Variants in BANK1 observed in about 807,000 individuals in gnomAD.
BANK1 encodes the protein B cell scaffold protein with ankyrin repeats 1.
BANK1 carries 95 observed loss-of-function variants against 94.5 expected under a neutral mutation model. The observed-to-expected ratio is 1.00, with a 90% CI of 0.85 to 1.19. The LOEUF is 1.19. Ranked by LOEUF, BANK1 falls within the 50% of genes most tolerant of loss-of-function variation. The probability of loss-of-function intolerance (pLI) is 0.00; values close to 1 mark genes in which losing one functional copy is unlikely to be tolerated. For missense variants in BANK1, 987 were observed against 932.2 expected (o/e 1.06, Z -0.77); for synonymous variants, 334 against 308.4 (o/e 1.08, Z -0.87).
intron 7 of BANK1, among the ~76,000 whole-genome samples, chr4:101,958,306 T>C (rs1288556016): frequency 6.6e-6 from 1 of 152,132 alleles, no homozygotes; most frequent in African/African-American, 2.4e-5. Context: ...TTTTTTAAAT[T>C]GAGACTCAAA....
At chr4:102,054,199 A>G (rs556540760) in intron 11 of BANK1, among the ~76,000 whole-genome samples, 1 of 152,242 alleles carries the variant, frequency 6.6e-6, no homozygotes, top group East Asian at 1.9e-4. Context: ...CCAAGGACAC[A>G]GAGCTAAGAA....
At chr4:101,870,468 T>A in intron 4 of BANK1, 37 bp from the exon 5 acceptor site, 1 of 1,579,310 alleles carries the variant, frequency 6.3e-7, no homozygotes. Context: ...ATATGCATTA[T>A]ATACTCTGCC....
intron 4 of BANK1, among the ~76,000 whole-genome samples, chr4:101,864,989 T>C (rs1384697302): frequency 6.6e-6 from 1 of 152,098 alleles, no homozygotes; most frequent in African/African-American, 2.4e-5. Flanking sequence ...GGAGCTCTAG[T>C]TTCTATGACC....
intron 1 of BANK1, among the ~76,000 whole-genome samples, chr4:101,826,990 C>T (rs1412789606): frequency 6.6e-6 from 1 of 151,842 alleles, no homozygotes; most frequent in Non-Finnish European, 1.5e-5. Flanking sequence ...GTAGAAAATA[C>T]ATGCTCTGTT....
At chr4:101,882,290 A>G (rs907107506) in intron 5 of BANK1, among the ~76,000 whole-genome samples, 5 of 152,196 alleles carry the variant, frequency 3.3e-5, no homozygotes, top group Non-Finnish European at 7.4e-5. Context: ...CTCTTAAAAT[A>G]CTTTGTTTTT....
chr4:101,812,431 A>G lies in BANK1; in HGVS notation c.71-17377A>G, dbSNP rs1056770364. Among the ~76,000 whole-genome samples the G allele has an allele frequency of 6.6e-5, 10 of 152,096 alleles. No individual in the cohort carries two copies. The South Asian group carries it at 1.2e-3, about 19-fold the overall frequency. On this transcript the variant is annotated intron_variant, in intron 1 of 16. Coordinates refer to ENST00000322953, the MANE Select transcript of BANK1 (RefSeq NM_017935.5). ...GGAAACATTTAATATTTGGATTGCT[A>G]TTTCTCTACACTATATTTAAAGGTA...
chr4:101,828,306 C>T (rs1488594611), intron 1 of BANK1, among the ~76,000 whole-genome samples: 1 of 151,188 alleles, frequency 6.6e-6, no homozygotes, highest in Non-Finnish European at 1.5e-5. Context: ...GTCTTTCCCT[C>T]CCCAAGTCAT....
intron 6 of BANK1, among the ~76,000 whole-genome samples, chr4:101,913,339 TC>T (rs1722727924): frequency 6.6e-6 from 1 of 152,168 alleles, no homozygotes; most frequent in African/African-American, 2.4e-5. Context: ...ACTGTCCAGC[TC>T]TTTTTATTGC....
intron 7 of BANK1, among the ~76,000 whole-genome samples, chr4:102,013,232 C>CGAA (rs1726570226): frequency 6.6e-6 from 1 of 151,998 alleles, no homozygotes; most frequent in Non-Finnish European, 1.5e-5. Flanking sequence ...ATCAATTATT[C>CGAA]GCTATTCTCT....
At chr4:101,930,116 T>C (rs1723292518) in intron 7 of BANK1, among the ~76,000 whole-genome samples, 1 of 151,350 alleles carries the variant, frequency 6.6e-6, no homozygotes, top group African/African-American at 2.4e-5. Context: ...AGTAATTATA[T>C]GTATGTGGAT....
intron 7 of BANK1, among the ~76,000 whole-genome samples, chr4:101,964,203 G>T (rs1195623182): frequency 6.6e-6 from 1 of 152,072 alleles, no homozygotes. Context: ...TCTATTCATT[G>T]CATTGCTCTG....
chr4:101,825,693 G>A (rs1183476953), intron 1 of BANK1, among the ~76,000 whole-genome samples: 1 of 151,978 alleles, frequency 6.6e-6, no homozygotes. Flanking sequence ...TACATAGAAA[G>A]TCTCAGTAAA....
Position 101,953,831 on chromosome 4 carries a change from A to C in BANK1, c.1206+35642A>C, listed in dbSNP as rs571823544. 1.4e-4 allele frequency among the ~76,000 whole-genome samples: 21 copies of C among 152,228 alleles called. No individual in the cohort carries two copies. The South Asian group carries it at 2.5e-3, about 18-fold the overall frequency. ...TGATAAGATAGTACATATATTGCAT[A>C]TTGTGCGTAATATTTCTTGTACCTC... is the stretch of plus-strand genomic sequence containing the variant. On this transcript the variant is annotated intron_variant, in intron 7 of 16. Coordinates refer to ENST00000322953, the MANE Select transcript of BANK1 (RefSeq NM_017935.5).
At chr4:101,809,504 A>G (rs994526695) in intron 1 of BANK1, among the ~76,000 whole-genome samples, 1 of 150,678 alleles carries the variant, frequency 6.6e-6, no homozygotes, top group Admixed American at 6.6e-5. Flanking sequence ...TATAAAAAAT[A>G]AAAAATAGTG....
chr4:101,944,814 G>A (rs1001837677), intron 7 of BANK1, among the ~76,000 whole-genome samples: 1 of 151,918 alleles, frequency 6.6e-6, no homozygotes, highest in Non-Finnish European at 1.5e-5. Context: ...GTGACCCTAT[G>A]GTAAAGTGAG....
chr4:101,936,196 T>TATA (rs397733735), intron 7 of BANK1, among the ~76,000 whole-genome samples: 123 of 131,860 alleles, frequency 9.3e-4, no homozygotes, highest in Admixed American at 4.4e-3. Context: ...GATATATATA[T>TATA]TTTTTATATA....
chr4:101,974,875 T>A (rs1291690986), intron 7 of BANK1, among the ~76,000 whole-genome samples: 1 of 152,062 alleles, frequency 6.6e-6, no homozygotes, highest in Non-Finnish European at 1.5e-5. Flanking sequence ...GAGAATCACT[T>A]GAACCTGGGA....
At chr4:101,982,893 G>A (rs1376894558) in intron 7 of BANK1, among the ~76,000 whole-genome samples, 5 of 151,390 alleles carry the variant, frequency 3.3e-5, no homozygotes, top group South Asian at 2.1e-4. Context: ...ATGTATATAC[G>A]CATGGAATTT....
chr4:101,795,017 A>G (rs1443468449), intron 1 of BANK1, among the ~76,000 whole-genome samples: 3 of 151,898 alleles, frequency 2.0e-5, no homozygotes, highest in East Asian at 1.9e-4. Context: ...ACTGAAAAGT[A>G]TAAGAACAGT....
Sources: gnomAD v4.1 joint callset for allele counts (sites outside exome capture counted in the v4.1 genomes callset) on GRCh38, gnomAD v4.1.1 for gene constraint, MANE v1.5 for transcripts, NCBI Gene and HGNC (gene_info 2026-07-23, HGNC 2026-07-21) for gene names.